The following CHD9 variants were observed in gnomAD, a reference collection of about 807,000 sequenced individuals.
CHD9 encodes the protein ATP-dependent chromatin remodeler CHD9.
CHD9 carries 77 observed loss-of-function variants against 316.1 expected under a neutral mutation model. The observed-to-expected ratio is 0.24, with a 90% confidence interval of 0.20 to 0.29. The LOEUF (loss-of-function observed/expected upper bound fraction) is 0.29, where lower values mean the gene tolerates loss of function less well. Among genes scored for constraint, CHD9 ranks in the 10% least tolerant of loss-of-function variants. CHD9 has a pLI of 1.00. For synonymous variants in CHD9, 1,129 were observed against 1,158.3 expected, an observed-to-expected ratio of 0.97 and a Z score of 0.51; for missense variants, 2,763 against 3,438.1, an observed-to-expected ratio of 0.80 and a Z score of 4.91.
At chr16:53,235,032 A>G (rs1567531586) in intron 10 of CHD9, 153 bp from the exon 11 acceptor site, 1 of 501,038 alleles carries the variant, frequency 2.0e-6, no homozygotes, top group East Asian at 3.4e-5. Flanking sequence ...AGAGTTGTAT[A>G]GAATTAATTT....
chr16:53,307,702 T>G lies in CHD9; in HGVS notation c.6802T>G (p.Leu2268Val). The G allele has an allele frequency of 6.2e-7, 1 of 1,609,956 alleles. No homozygotes were observed. The highest frequency in any genetic ancestry group is 1.1e-5 in the South Asian group (1 of 90,164). ...CTAGGATCGTGTGATGATCAATAGG[T>G]TGGACAGTATTTGTCAAACAGTTCT... ...WPKDRVMINR[L>V]DSICQTVLKG... is the part of the protein sequence containing the mutation. Residue 2268 changes from leucine (L) to valine (V), a missense_variant, in exon 33 of 39, where the codon TTG becomes GTG. Leu to Val is a conservative substitution (Grantham distance 32). This residue lies in a region of CHD9 where 663 missense variants were observed against 751.2 expected (regional missense o/e 0.88). Coordinates refer to ENST00000447540, the MANE Select transcript of CHD9 (RefSeq NM_001308319.2).
intron 24 of CHD9, among the ~76,000 whole-genome samples, chr16:53,277,867 C>G (rs1341550238): frequency 6.6e-6 from 1 of 152,070 alleles, no homozygotes; most frequent in Non-Finnish European, 1.5e-5. Flanking sequence ...CCTAAAGACT[C>G]CTCCAAAAAG....
chr16:53,066,994 G>A (rs2033588199), intron 1 of CHD9, among the ~76,000 whole-genome samples: 1 of 152,120 alleles, frequency 6.6e-6, no homozygotes, highest in Non-Finnish European at 1.5e-5. Flanking sequence ...CCCAGGTGAA[G>A]TGCAATGGTG....
intron 1 of CHD9, among the ~76,000 whole-genome samples, chr16:53,056,997 C>T (rs1398032113): frequency 6.6e-6 from 1 of 151,896 alleles, no homozygotes; most frequent in Non-Finnish European, 1.5e-5. Flanking sequence ...AAATTATACA[C>T]ATTGAATAAT....
chr16:53,120,243 AAAT>A (rs2038636446), intron 1 of CHD9, among the ~76,000 whole-genome samples: 1 of 152,034 alleles, frequency 6.6e-6, no homozygotes, highest in Admixed American at 6.6e-5. Context: ...AAAAAAATAA[AAAT>A]AAAAAAATTT....
At chr16:53,121,028 A>T (rs2038705658) in intron 1 of CHD9, among the ~76,000 whole-genome samples, 1 of 152,164 alleles carries the variant, frequency 6.6e-6, no homozygotes, top group African/African-American at 2.4e-5. Flanking sequence ...AAACAAACAA[A>T]CAAAAACCCT....
At chr16:53,195,721 G>A (rs1423289034) in intron 2 of CHD9, among the ~76,000 whole-genome samples, 1 of 149,162 alleles carries the variant, frequency 6.7e-6, no homozygotes, top group East Asian at 1.9e-4. Flanking sequence ...TTGCAGATTC[G>A]CATGCAGTTG....
chr16:53,278,907 G>T (rs2053133413), intron 24 of CHD9, among the ~76,000 whole-genome samples: 1 of 152,176 alleles, frequency 6.6e-6, no homozygotes, highest in Non-Finnish European at 1.5e-5. Context: ...TTACACTGTT[G>T]GTGGGACTGT....
chr16:53,195,720 C>G (rs952555859), intron 2 of CHD9, among the ~76,000 whole-genome samples: 2 of 148,582 alleles, frequency 1.3e-5, no homozygotes, highest in Non-Finnish European at 3.0e-5. Context: ...ATTGCAGATT[C>G]GCATGCAGTT....
At chr16:53,081,063 G>T (rs2034974225) in intron 1 of CHD9, among the ~76,000 whole-genome samples, 1 of 152,162 alleles carries the variant, frequency 6.6e-6, no homozygotes, top group Admixed American at 6.5e-5. Flanking sequence ...TCCCACTCCA[G>T]TCTTCCCCCT....
At chr16:53,117,407 A>AACAT (rs1555486458) in intron 1 of CHD9, among the ~76,000 whole-genome samples, 10 of 148,638 alleles carry the variant, frequency 6.7e-5, no homozygotes, top group African/African-American at 2.5e-4. Flanking sequence ...TCTCTGACGT[A>AACAT]ATATATATAT....
chr16:53,142,925 A>G (rs556479524), intron 1 of CHD9, among the ~76,000 whole-genome samples: 3 of 152,196 alleles, frequency 2.0e-5, no homozygotes, highest in Non-Finnish European at 2.9e-5. Flanking sequence ...CATTCACAAG[A>G]AGGCCCTCTG....
chr16:53,319,413 T>A (rs1036349592), intron 37 of CHD9, among the ~76,000 whole-genome samples: 6 of 152,226 alleles, frequency 3.9e-5, no homozygotes, highest in Non-Finnish European at 7.3e-5. Context: ...GTTGTTTTAA[T>A]ATTGTTGGGT....
chr16:53,079,224 A>G (rs573787889), intron 1 of CHD9, among the ~76,000 whole-genome samples: 1 of 152,312 alleles, frequency 6.6e-6, no homozygotes. Flanking sequence ...TTGGCTGTTC[A>G]TGCCATTGGG....
intron 8 of CHD9, among the ~76,000 whole-genome samples, chr16:53,230,023 G>A (rs568060821): frequency 4.5e-4 from 68 of 152,230 alleles, no homozygotes; most frequent in Non-Finnish European, 6.2e-4. Flanking sequence ...GTTACATTTA[G>A]TTGTAATATC....
intron 2 of CHD9, among the ~76,000 whole-genome samples, chr16:53,193,925 A>G (rs1467646568): frequency 6.6e-6 from 1 of 152,204 alleles, no homozygotes. Context: ...TAGTAATATT[A>G]CTGTTATAAA....
intron 2 of CHD9, among the ~76,000 whole-genome samples, chr16:53,158,733 G>A (rs2041702454): frequency 1.3e-5 from 2 of 151,830 alleles, no homozygotes; most frequent in Non-Finnish European, 2.9e-5. Context: ...ACCTCCCTGG[G>A]CTCAGGTGAT....
rs1276956450 is a variant in CHD9 at position 53,208,628 on chromosome 16, A to G, written c.1453-854A>G. ...CAGGTATAGAAAAAATATCCAGTGA[A>G]GCACACTGGAATCAGCATGAAAATG... On this transcript the variant is annotated intron_variant, in intron 2 of 38. Coordinates refer to ENST00000447540, the MANE Select transcript of CHD9 (RefSeq NM_001308319.2). The G allele has an allele frequency of 3.0e-6, 3 of 996,388 alleles. No individual in the cohort carries two copies. In the African/African-American group the frequency reaches 5.2e-5, roughly 17 times the overall value. 61.7% of individuals were successfully genotyped at this position (996,388 alleles called of 1,614,324 possible). A position where few individuals can be genotyped will look rare whatever the true frequency, so the allele number is the denominator to read the frequency against.
At chr16:53,068,844 G>A (rs1420585119) in intron 1 of CHD9, among the ~76,000 whole-genome samples, 1 of 152,166 alleles carries the variant, frequency 6.6e-6, no homozygotes, top group East Asian at 1.9e-4. Flanking sequence ...GGGCCTAACT[G>A]GGCAGCCTCT....
Sources: allele counts gnomAD v4.1 joint callset (sites outside exome capture counted in the v4.1 genomes callset), GRCh38; gene constraint gnomAD v4.1.1; regional missense constraint gnomAD v4.1.1; transcripts MANE v1.5; gene names NCBI Gene and HGNC (gene_info 2026-07-23, HGNC 2026-07-21).